Variants in FAM47E observed in about 807,000 individuals in gnomAD.
FAM47E encodes the protein family with sequence similarity 47 member E, also known as protein FAM47E.
A neutral mutation model predicts 41.6 loss-of-function variants in FAM47E; 32 were observed. The observed-to-expected ratio is 0.77, with a 90% confidence interval of 0.58 to 1.03. The LOEUF is 1.03. FAM47E is among the 50% of genes least tolerant of loss of function. FAM47E has a pLI of 0.00. For missense variants in FAM47E, 424 were observed against 485.4 expected (o/e 0.87, Z 1.19); for synonymous variants, 184 against 188.7 (o/e 0.98, Z 0.20).
intron 7 of FAM47E, chr4:76,283,080 A>C (rs1735424760): frequency 4.3e-6 from 1 of 231,292 alleles, no homozygotes; most frequent in East Asian, 8.8e-5. Flanking sequence ...CCTCTGCTGC[A>C]CGGATGGATC....
At chr4:76,256,004 GA>G (rs1298833724) in intron 1 of FAM47E, among the ~76,000 whole-genome samples, 173 bp from the exon 2 acceptor site, 1 of 152,112 alleles carries the variant, frequency 6.6e-6, no homozygotes. Flanking sequence ...TCTGTGCTAT[GA>G]ACTAGGAATA....
At position 76,256,415 on chromosome 4, in the gene FAM47E, C is replaced by T. The variant is rs1734193783; in HGVS notation, c.312C>T (p.Leu104=). The T allele has an allele frequency of 6.4e-7, 1 of 1,552,250 alleles. No homozygotes were observed. Among genetic ancestry groups the T allele is most frequent in the Non-Finnish European group, 8.7e-7 (1 of 1,147,480 alleles). Residue 104 remains leucine (L), a synonymous_variant, in exon 2 of 8, where the codon CTC becomes CTT. Transcript: ENST00000424749. ...LLKEADVLSK[L]SPAQQARKAF... ...AGGAAGCAGACGTGCTTTCCAAGCT[C>T]TCGCCAGCCCAGCAGGCTCGGAAGG...
At chr4:76,220,558 T>TC (rs1733289778) in intron 2 of FAM47E, among the ~76,000 whole-genome samples, 1 of 152,196 alleles carries the variant, frequency 6.6e-6, no homozygotes, top group Non-Finnish European at 1.5e-5. Flanking sequence ...GTCCAGGAGT[T>TC]CAAGGCTGCA....
Position 76,271,596 on chromosome 4 carries a change from T to C in FAM47E, c.698T>C (p.Ile233Thr), listed in dbSNP as rs768804874. The C allele has an allele frequency of 9.0e-6, 14 of 1,552,164 alleles. No individual in the cohort carries two copies. In the South Asian group the frequency reaches 1.7e-4, roughly 18 times the overall value. The change falls in exon 5 of 8, where the codon ATC becomes ACC. Residue 233 changes from isoleucine (I) to threonine (T), a missense_variant. Physicochemically the swap from Ile to Thr is moderately conservative, Grantham distance 89. Coordinates refer to ENST00000424749, the MANE Select transcript of FAM47E (RefSeq NM_001136570.3). ...NGISDIDEEF[I>T]LKQFDIDYET... ...ATTTCGGACATCGATGAAGAGTTCA[T>C]CTTGAAACAGTTTGACATTGACTAT...
Position 76,256,490 on chromosome 4 carries a change from C to T in FAM47E, c.387C>T (p.Leu129=). 5 of 1,550,916 alleles carry T rather than the reference C, an allele frequency of 3.2e-6. No homozygotes were observed. Among genetic ancestry groups the T allele is most frequent in the Non-Finnish European group, 4.4e-6 (5 of 1,146,408 alleles). Reference sequence around the variant, plus strand: ...ACCTGACCCCACATCCCTTAGCGCTCTACCTGAATCTGGAAGAAGCTATGC... The same window carrying T: ...ACCTGACCCCACATCCCTTAGCGCTTTACCTGAATCTGGAAGAAGCTATGC... ...EAHLTPHPLA[L]YLNLEEAMPI... is the part of the protein sequence containing the mutation. The change falls in exon 2 of 8, where the codon CTC becomes CTT. Residue 129 remains leucine, a synonymous_variant. Coordinates refer to ENST00000424749, the MANE Select transcript of FAM47E (RefSeq NM_001136570.3).
chr4:76,227,793 C>T (rs767699378), intron 2 of FAM47E, among the ~76,000 whole-genome samples: 4 of 152,158 alleles, frequency 2.6e-5, no homozygotes, highest in African/African-American at 9.7e-5. Context: ...ACCTCTTTGT[C>T]TTTTCTAACT....
At chr4:76,253,308 T>C (rs983669554) in intron 1 of FAM47E, among the ~76,000 whole-genome samples, 2 of 152,216 alleles carry the variant, frequency 1.3e-5, no homozygotes, top group Non-Finnish European at 2.9e-5. Flanking sequence ...ATTCCAGTTT[T>C]GGGGCTAATA....
At chr4:76,279,276 G>A (rs1735253437) in intron 6 of FAM47E, 1 of 152,030 alleles carries the variant, frequency 6.6e-6, no homozygotes, top group African/African-American at 2.4e-5. Flanking sequence ...ATTATAAAAG[G>A]TAACATCATT....
chr4:76,236,702 G>A (rs913329840), intron 2 of FAM47E: 1 of 149,300 alleles, frequency 6.7e-6, no homozygotes, highest in South Asian at 2.1e-4. Flanking sequence ...TGGGGTGGGG[G>A]TCAGGGGCTT....
intron 1 of FAM47E, among the ~76,000 whole-genome samples, chr4:76,215,362 T>C (rs975823249): frequency 1.3e-5 from 2 of 152,214 alleles, no homozygotes; most frequent in African/African-American, 2.4e-5. Context: ...GGGCTGGCTG[T>C]TGGCTTCCAA....
In FAM47E at chr4:76,283,483, C is replaced by T; in HGVS notation, c.*25C>T. The T allele has an allele frequency of 1.5e-6, 2 of 1,360,890 alleles. No homozygotes were observed. The highest frequency in any genetic ancestry group is 2.1e-6 in the Non-Finnish European group (2 of 974,624). 84.3% of individuals were successfully genotyped at this position (1,360,890 alleles called of 1,614,324 possible). A position where few individuals can be genotyped will look rare whatever the true frequency, so the allele number is the denominator to read the frequency against. On this transcript the variant is annotated 3_prime_UTR_variant, in exon 8 of 8. Transcript: ENST00000424749. The stretch of plus-strand genomic sequence containing the variant: ...GAAGAATCGTAGGAGAATGATTAGG[C>T]AGATTTTATTACTACGTACTTGGCT...
At chr4:76,218,314 G>GA (rs1184858023) in intron 2 of FAM47E, among the ~76,000 whole-genome samples, 2 of 152,294 alleles carry the variant, frequency 1.3e-5, no homozygotes, top group African/African-American at 2.4e-5. Context: ...GCCTCCATAA[G>GA]AAAAAATTAC....
intron 4 of FAM47E, chr4:76,269,560 G>A (rs552783490): frequency 6.6e-6 from 1 of 152,252 alleles, no homozygotes; most frequent in South Asian, 2.1e-4. Context: ...AGGTTGCAGT[G>A]AGCAGAGATT....
intron 2 of FAM47E, 66 bp from the exon 3 acceptor site, chr4:76,263,638 T>C (rs1227902393): frequency 2.6e-6 from 4 of 1,519,532 alleles, no homozygotes; most frequent in Non-Finnish European, 3.5e-6. Flanking sequence ...TCTGTTTTGT[T>C]GTAGAATGGG....
At chr4:76,238,632 A>C (rs1450227849) in intron 2 of FAM47E, among the ~76,000 whole-genome samples, 7 of 152,192 alleles carry the variant, frequency 4.6e-5, no homozygotes, top group Non-Finnish European at 7.3e-5. Context: ...TTAGGTTCAG[A>C]TGCCCAAGAT....
chr4:76,262,572 A>T (rs1734464344), intron 2 of FAM47E, among the ~76,000 whole-genome samples: 1 of 152,124 alleles, frequency 6.6e-6, no homozygotes, highest in African/African-American at 2.4e-5. Flanking sequence ...TGCAAATTCG[A>T]CTTCATGAAA....
At chr4:76,269,497 A>T (rs1385905693) in intron 4 of FAM47E, 2 of 152,114 alleles carry the variant, frequency 1.3e-5, no homozygotes, top group Non-Finnish European at 2.9e-5. Flanking sequence ...TGCACCTGTA[A>T]TCCCAGCTAC....
chr4:76,274,593 T>C (rs1735022209), intron 5 of FAM47E, among the ~76,000 whole-genome samples: 1 of 152,026 alleles, frequency 6.6e-6, no homozygotes, highest in African/African-American at 2.4e-5. Context: ...TTAAAAAAAA[T>C]TTGTTGGGAA....
chr4:76,261,542 G>A (rs1734418714), intron 2 of FAM47E, among the ~76,000 whole-genome samples: 1 of 152,132 alleles, frequency 6.6e-6, no homozygotes, highest in Non-Finnish European at 1.5e-5. Context: ...GGAACTGGAG[G>A]CCATTATCCT....
Sources: gnomAD v4.1 joint callset for allele counts (sites outside exome capture counted in the v4.1 genomes callset) on GRCh38, gnomAD v4.1.1 for gene constraint, MANE v1.5 for transcripts, NCBI Gene and HGNC (gene_info 2026-07-23, HGNC 2026-07-21) for gene names.